The following OR51B5 variants were observed in gnomAD, a reference collection of about 807,000 sequenced individuals.
The protein encoded by OR51B5 is olfactory receptor family 51 subfamily B member 5, also known as olfactory receptor 51B5.
For synonymous variants in OR51B5, 186 were observed against 144.8 expected (o/e 1.28, Z -2.04); for missense variants, 456 against 374.6 (o/e 1.22, Z -1.79).
chr11:5,345,261 A>G (rs1848973630), upstream of OR51B5, among the ~76,000 whole-genome samples: 1 of 152,166 alleles, frequency 6.6e-6, no homozygotes, highest in Non-Finnish European at 1.5e-5. Context: ...TGCTATGTGA[A>G]GAAGACTAAG....
chr11:5,422,272 C>A (rs1310353117), intron 1 of OR51B5: 2 of 1,614,126 alleles, frequency 1.2e-6, no homozygotes, highest in Non-Finnish European at 8.5e-7. Flanking sequence ...GATTTGAGGC[C>A]TCCCACATCT....
intron 1 of OR51B5, chr11:5,505,394 T>C: frequency 7.7e-7 from 1 of 1,304,244 alleles, no homozygotes; most frequent in Non-Finnish European, 1.0e-6. Flanking sequence ...TTCCTCTTCA[T>C]TTCCCCTAGC....
At position 5,358,287 on chromosome 11, in the gene OR51B5, G is replaced by A. The variant is rs535751468; in HGVS notation, n.85-11377C>T. 3.9e-3 allele frequency among the ~76,000 whole-genome samples: 600 copies of A among 151,906 alleles called. 2 individuals are homozygous for A. Among genetic ancestry groups the A allele is most frequent in the African/African-American group, 0.01 (424 of 41,404 alleles). ...GAAAAGAGAGAAGAATCAAATAGAT[G>A]CAATAAAAAATGATAAAGGGTATAT... On this transcript the variant is annotated intron_variant and non_coding_transcript_variant, in intron 1 of 4. Transcript: ENST00000415970.
chr11:5,475,096 T>C (rs1851284381), intron 1 of OR51B5, among the ~76,000 whole-genome samples: 1 of 152,154 alleles, frequency 6.6e-6, no homozygotes, highest in Admixed American at 6.5e-5. Flanking sequence ...TTTACTGACG[T>C]CTTACCAGTC....
chr11:5,437,350 A>T lies in OR51B5; in HGVS notation n.84+68219T>A, dbSNP rs1015930708. ...TTCCAACGGGAAAATTCCAGAGCTC[A>T]CATCTCAGAGACTGGAGCTTGAAGG... On this transcript the variant is annotated intron_variant and non_coding_transcript_variant, in intron 1 of 4. Transcript: ENST00000415970. Among the ~76,000 whole-genome samples the T allele has an allele frequency of 2.6e-5, 4 of 152,160 alleles. No homozygotes were observed. The South Asian group carries it at 6.2e-4, about 24-fold the overall frequency.
chr11:5,394,770 C>T (rs190613859), intron 1 of OR51B5, among the ~76,000 whole-genome samples: 2 of 152,104 alleles, frequency 1.3e-5, no homozygotes, highest in Non-Finnish European at 2.9e-5. Context: ...CATCAGGGGA[C>T]GTTAGTTTTT....
chr11:5,366,911 A>G (rs1306127938), intron 1 of OR51B5, among the ~76,000 whole-genome samples: 1 of 152,230 alleles, frequency 6.6e-6, no homozygotes, highest in Non-Finnish European at 1.5e-5. Context: ...CAACAGGCAC[A>G]AAGTTTTAGT....
intron 1 of OR51B5, among the ~76,000 whole-genome samples, chr11:5,377,995 A>G (rs1348608822): frequency 1.3e-5 from 2 of 151,612 alleles, no homozygotes; most frequent in Non-Finnish European, 2.9e-5. Flanking sequence ...AAGAGCCTGC[A>G]TTGCCAAGTC....
intron 1 of OR51B5, among the ~76,000 whole-genome samples, chr11:5,411,753 T>C (rs529192849): frequency 2.0e-4 from 30 of 152,308 alleles, no homozygotes; most frequent in African/African-American, 6.7e-4. Flanking sequence ...ACATAATCAC[T>C]AGTGTCCTTT....
intron 1 of OR51B5, among the ~76,000 whole-genome samples, chr11:5,362,452 G>A (rs1317157548): frequency 6.6e-6 from 1 of 152,192 alleles, no homozygotes; most frequent in African/African-American, 2.4e-5. Context: ...TAATGAGAAT[G>A]TGATGATTAA....
chr11:5,436,162 T>C (rs1850589611), intron 1 of OR51B5, among the ~76,000 whole-genome samples: 1 of 152,044 alleles, frequency 6.6e-6, no homozygotes, highest in Admixed American at 6.6e-5. Flanking sequence ...AAGGAATGAG[T>C]GATGCTTCAT....
At chr11:5,488,163 A>T (rs1354751220) in intron 1 of OR51B5, among the ~76,000 whole-genome samples, 1 of 152,200 alleles carries the variant, frequency 6.6e-6, no homozygotes, top group Non-Finnish European at 1.5e-5. Flanking sequence ...TTGCATAAAG[A>T]CATAGTTCTA....
At chr11:5,402,379 C>T (rs1320133034) in intron 1 of OR51B5, among the ~76,000 whole-genome samples, 2 of 152,152 alleles carry the variant, frequency 1.3e-5, no homozygotes, top group East Asian at 3.8e-4. Flanking sequence ...TTTCTATCTG[C>T]CTATGACAGA....
intron 1 of OR51B5, among the ~76,000 whole-genome samples, chr11:5,386,882 ATAT>A (rs1849702954): frequency 6.6e-6 from 1 of 152,110 alleles, no homozygotes. Context: ...ATGGTGAATA[ATAT>A]TATAAAAAAT....
intron 1 of OR51B5, among the ~76,000 whole-genome samples, chr11:5,424,656 G>A (rs1197983425): frequency 6.6e-6 from 1 of 151,900 alleles, no homozygotes; most frequent in Non-Finnish European, 1.5e-5. Context: ...GGGGACCCCT[G>A]GCTGCCTCCT....
At chr11:5,397,941 T>C (rs1447203066) in intron 1 of OR51B5, among the ~76,000 whole-genome samples, 1 of 148,164 alleles carries the variant, frequency 6.7e-6, no homozygotes, top group Non-Finnish European at 1.5e-5. Context: ...CTCAGCAAAC[T>C]ATCACAAGGA....
chr11:5,363,026 C>G (rs77616548), intron 1 of OR51B5, among the ~76,000 whole-genome samples: 4 of 150,816 alleles, frequency 2.7e-5, no homozygotes, highest in African/African-American at 7.3e-5. Flanking sequence ...AGGTTGAAAA[C>G]AAGGAAAAGG....
intron 1 of OR51B5, among the ~76,000 whole-genome samples, chr11:5,380,879 A>G (rs1205696625): frequency 1.3e-5 from 2 of 152,002 alleles, no homozygotes; most frequent in East Asian, 1.9e-4. Context: ...TGCCCTGGGG[A>G]TAGTAGGGCC....
At chr11:5,371,216 A>ATGTT (rs1351113594) in intron 1 of OR51B5, among the ~76,000 whole-genome samples, 1 of 152,154 alleles carries the variant, frequency 6.6e-6, no homozygotes, top group Admixed American at 6.5e-5. Flanking sequence ...GCACATTCTG[A>ATGTT]TGTTTATACT....
Sources: gnomAD v4.1 joint callset for allele counts (sites outside exome capture counted in the v4.1 genomes callset) on GRCh38, gnomAD v4.1.1 for gene constraint, MANE v1.5 for transcripts, NCBI Gene and HGNC (gene_info 2026-07-23, HGNC 2026-07-21) for gene names.